Variants in WNT8B observed in about 807,000 individuals in gnomAD.
WNT8B encodes Wnt family member 8B.
WNT8B carries 24 observed loss-of-function variants against 36.6 expected under a neutral mutation model. The ratio of observed to expected loss-of-function variants is 0.66; its 90% CI spans 0.48 to 0.92. The LOEUF (loss-of-function observed/expected upper bound fraction) is 0.92, where lower values mean the gene tolerates loss of function less well. WNT8B is among the 40% of genes least tolerant of loss of function. The pLI, the probability that WNT8B is intolerant of heterozygous loss-of-function variation, is 0.00. For missense variants in WNT8B, 402 were observed against 470.8 expected (o/e 0.85, Z 1.35); for synonymous variants, 199 against 189.8 (o/e 1.05, Z -0.40).
Position 100,482,875 on chromosome 10 carries a change from T to A in WNT8B, c.*59T>A. The A allele has an allele frequency of 7.0e-7, 1 of 1,431,882 alleles. No homozygotes were observed. The highest frequency in any genetic ancestry group is 9.2e-7 in the Non-Finnish European group (1 of 1,088,274). The allele number at this position is 1,431,882 out of a possible 1,614,324, so 88.7% of individuals were successfully genotyped here. ...TCTTGGCTTCCTTTAGAGACCCCGG[T>A]AATTGTGGAACCTAGGGAATGGGGA... On this transcript the variant is annotated 3_prime_UTR_variant, in exon 6 of 6. Coordinates refer to ENST00000343737, the MANE Select transcript of WNT8B (RefSeq NM_003393.4). This position sits in a 1 kb window ranked among gnomAD's most constrained non-coding sequence, Gnocchi z 6.6.
At chr10:100,481,159 G>C (rs773550552) in intron 4 of WNT8B, 36 bp downstream of exon 4, 2 of 1,608,196 alleles carry the variant, frequency 1.2e-6, no homozygotes, top group South Asian at 1.1e-5. Flanking sequence ...CCATAGGCCA[G>C]CCAACGCACA....
In WNT8B at chr10:100,474,957, T is replaced by C. The variant is rs973618278; in HGVS notation, c.69-4095T>C. Among the ~76,000 whole-genome samples the C allele has an allele frequency of 2.6e-5, 4 of 151,126 alleles. No homozygotes were observed. The East Asian group carries it at 6.1e-4, about 23-fold the overall frequency. On this transcript the variant is annotated intron_variant, in intron 1 of 5. Transcript: ENST00000343737. ...ATAACTCGGAGGTTAACAACACAAG[T>C]TGGCTGGGCGTGGTGGCTCACGCCT...
Position 100,483,128 on chromosome 10 carries a change from C to A in WNT8B, c.*312C>A. On this transcript the variant is annotated 3_prime_UTR_variant, in exon 6 of 6. Transcript: ENST00000343737. Reference sequence around the variant, plus strand: ...TCTCCTAGCAGCCCTAATGTCTGACCTAGCCTATCAAGCCTTAGGCGCTGG... The same window carrying A: ...TCTCCTAGCAGCCCTAATGTCTGACATAGCCTATCAAGCCTTAGGCGCTGG... The A allele has an allele frequency of 3.0e-6, 1 of 330,040 alleles. No homozygotes were observed. The highest frequency in any genetic ancestry group is 5.5e-6 in the Non-Finnish European group (1 of 182,578). The allele number at this position is 330,040 out of a possible 1,614,324, so 20.4% of individuals were successfully genotyped here.
intron 2 of WNT8B, among the ~76,000 whole-genome samples, chr10:100,479,566 G>A (rs1463785525): frequency 3.3e-5 from 5 of 152,204 alleles, no homozygotes; most frequent in African/African-American, 9.7e-5. Context: ...GTATAGTGAA[G>A]AAAGGTGAAT....
In WNT8B at chr10:100,482,113, G is replaced by A; in HGVS notation, c.510+59G>A. ...CTGGCTATATCCACTACCAGCTCCA[G>A]GTGCGGACAACTCTTCAGTTCATTT... is the stretch of plus-strand genomic sequence containing the variant. On this transcript the variant is annotated intron_variant, in intron 5 of 5. Coordinates refer to ENST00000343737, the MANE Select transcript of WNT8B (RefSeq NM_003393.4). The surrounding 1 kb of genome is among the most constrained non-coding windows in gnomAD (Gnocchi z 6.6). 6.2e-7 allele frequency: 1 copy of A among 1,607,656 alleles called. No individual in the cohort carries two copies. The highest frequency in any genetic ancestry group is 8.5e-7 in the Non-Finnish European group (1 of 1,175,686).
intron 1 of WNT8B, among the ~76,000 whole-genome samples, chr10:100,476,619 G>A (rs975878500): frequency 2.0e-5 from 3 of 151,924 alleles, no homozygotes; most frequent in Non-Finnish European, 4.4e-5. Flanking sequence ...AATGATTCCC[G>A]TATTACTTTC....
intron 4 of WNT8B, among the ~76,000 whole-genome samples, chr10:100,481,651 T>C: frequency 6.6e-6 from 1 of 152,226 alleles, no homozygotes; most frequent in East Asian, 1.9e-4. Flanking sequence ...CAGAGGAGTG[T>C]ACTGGCACCT....
chr10:100,468,500 T>C (rs1850936360), intron 1 of WNT8B, among the ~76,000 whole-genome samples: 1 of 152,238 alleles, frequency 6.6e-6, no homozygotes, highest in Non-Finnish European at 1.5e-5. Flanking sequence ...AATGGTGGCT[T>C]GAGCTGTTCC....
intron 1 of WNT8B, among the ~76,000 whole-genome samples, chr10:100,466,794 T>C (rs1450077380): frequency 6.6e-6 from 1 of 152,074 alleles, no homozygotes; most frequent in East Asian, 1.9e-4. Flanking sequence ...AAAATTGGTT[T>C]AATGCTGCTC....
At chr10:100,463,416 C>T (rs777581127) in intron 1 of WNT8B, among the ~76,000 whole-genome samples, 180 bp downstream of exon 1, 19 of 152,134 alleles carry the variant, frequency 1.2e-4, no homozygotes, top group Non-Finnish European at 2.5e-4. Context: ...TTTAGGACCC[C>T]TACCAATAAA....
intron 3 of WNT8B, among the ~76,000 whole-genome samples, chr10:100,480,521 G>T (rs1284526606): frequency 6.6e-6 from 1 of 152,148 alleles, no homozygotes; most frequent in Non-Finnish European, 1.5e-5. Flanking sequence ...AGGAAGTGGG[G>T]ATGGGTTCTT....
chr10:100,472,780 T>G (rs1850993307), intron 1 of WNT8B, among the ~76,000 whole-genome samples: 1 of 152,196 alleles, frequency 6.6e-6, no homozygotes, highest in Admixed American at 6.5e-5. Flanking sequence ...CAATAACAAT[T>G]ATGCACAGCA....
Position 100,482,684 on chromosome 10 carries a change from C to T in WNT8B, c.924C>T (p.Ser308=), listed in dbSNP as rs970166727. Residue 308 remains serine (S), a synonymous_variant, in exon 6 of 6, where the codon AGC becomes AGT. Transcript: ENST00000343737. This position sits in a 1 kb window ranked among gnomAD's most constrained non-coding sequence, Gnocchi z 6.6. ...AGCGCCGGGCCGAGACCGTGTCCAGCTGCAACTGCAAGTTCCACTGGTGCT... is the reference window on the plus strand; with the variant it reads ...AGCGCCGGGCCGAGACCGTGTCCAGTTGCAACTGCAAGTTCCACTGGTGCT... The part of the protein sequence containing the change: ...VEERRAETVS[S]CNCKFHWCCA... 1 of 1,610,196 alleles carries T rather than the reference C, an allele frequency of 6.2e-7. No individual in the cohort carries two copies. The highest frequency in any genetic ancestry group is 2.2e-5 in the East Asian group (1 of 44,842).
At position 100,479,859 on chromosome 10, in the gene WNT8B, C is replaced by T. The variant is rs1021418599; in HGVS notation, c.103-15C>T. ...CCTAAGTTCAGTCTGAATTTTTACC[C>T]CTATGTCCCTACAGGCTTACCTGAT... is the stretch of plus-strand genomic sequence containing the variant. On this transcript the variant is annotated splice_polypyrimidine_tract_variant and intron_variant, in intron 2 of 5. Transcript: ENST00000343737. 8 of 1,613,108 alleles carry T rather than the reference C, an allele frequency of 5.0e-6. No homozygotes were observed. In the African/African-American group the frequency reaches 9.4e-5, roughly 19 times the overall value.
chr10:100,481,700 C>G (rs1282092743), intron 4 of WNT8B, among the ~76,000 whole-genome samples: 7 of 152,152 alleles, frequency 4.6e-5, no homozygotes, highest in Admixed American at 4.6e-4. Context: ...CGTCGTTGAG[C>G]CCTGAGCAGG....
intron 1 of WNT8B, among the ~76,000 whole-genome samples, chr10:100,466,757 CT>C (rs1049407883): frequency 1.5e-4 from 22 of 147,976 alleles, no homozygotes; most frequent in Admixed American, 6.1e-4. Flanking sequence ...AAAGATATTC[CT>C]TTTTTTTTTC....
In WNT8B at chr10:100,482,490, C is replaced by A. The variant is rs745973760; in HGVS notation, c.730C>A (p.Arg244=). Reference sequence around the variant, plus strand: ...CGACACCTTTCGCTCCATCTCTACCCGGGAGCTGGTGCACCTGGAGGACTC... The same window carrying A: ...CGACACCTTTCGCTCCATCTCTACCAGGGAGCTGGTGCACCTGGAGGACTC... ...IADTFRSIST[R]ELVHLEDSPD... is the part of the protein sequence containing the mutation. The change falls in exon 6 of 6, where the codon CGG becomes AGG. Residue 244 remains arginine, a synonymous_variant. Coordinates refer to ENST00000343737, the MANE Select transcript of WNT8B (RefSeq NM_003393.4). This position sits in a 1 kb window ranked among gnomAD's most constrained non-coding sequence, Gnocchi z 6.6. The A allele has an allele frequency of 1.2e-6, 2 of 1,602,490 alleles. No individual in the cohort carries two copies. Among genetic ancestry groups the A allele is most frequent in the Non-Finnish European group, 1.7e-6 (2 of 1,179,742 alleles).
At chr10:100,478,599 T>C (rs1851070456) in intron 1 of WNT8B, among the ~76,000 whole-genome samples, 2 of 152,040 alleles carry the variant, frequency 1.3e-5, no homozygotes, top group Admixed American at 1.3e-4. Context: ...TTTTTTGTTT[T>C]GAAACAGAAT....
rs1254269876 is a variant in WNT8B, at chr10:100,481,017, T to C, written c.261T>C (p.Phe87=). The stretch of plus-strand genomic sequence containing the variant: ...TGCTAGCCAATCGGGAGACAGCATT[T>C]GTGCATGCCATCAGTTCTGCTGGAG... The part of the protein sequence containing the change: ...GLRSANRETA[F]VHAISSAGVM... Residue 87 remains phenylalanine (F), a synonymous_variant, in exon 4 of 6, where the codon TTT becomes TTC. Coordinates refer to ENST00000343737, the MANE Select transcript of WNT8B (RefSeq NM_003393.4). The C allele has an allele frequency of 1.2e-6, 2 of 1,614,092 alleles. No individual in the cohort carries two copies. Among genetic ancestry groups the C allele is most frequent in the Non-Finnish European group, 1.7e-6 (2 of 1,179,988 alleles).
Sources: gnomAD v4.1 joint callset for allele counts (sites outside exome capture counted in the v4.1 genomes callset) on GRCh38, gnomAD v4.1.1 for gene constraint, Gnocchi (gnomAD v3.1) non-coding constraint, MANE v1.5 for transcripts, NCBI Gene and HGNC (gene_info 2026-07-23, HGNC 2026-07-21) for gene names.